Variants in OSBPL8 observed in about 807,000 individuals in gnomAD.
OSBPL8 encodes oxysterol-binding protein-related protein 8.
Under a neutral mutation model 125.5 loss-of-function variants are expected in OSBPL8, and 59 were observed. The observed-to-expected ratio is 0.47, with a 90% CI of 0.38 to 0.58. OSBPL8 has a LOEUF of 0.58. Ranked by LOEUF, OSBPL8 falls within the 20% of genes least tolerant of loss-of-function variation. OSBPL8 has a pLI of 0.00. For synonymous variants in OSBPL8, 330 were observed against 338.9 expected (o/e 0.97, Z 0.29); for missense variants, 758 against 1,047.8 (o/e 0.72, Z 3.82).
At chr12:76,370,344 T>C (rs1214753632) in intron 19 of OSBPL8, among the ~76,000 whole-genome samples, 1 of 152,188 alleles carries the variant, frequency 6.6e-6, no homozygotes, top group Non-Finnish European at 1.5e-5. Flanking sequence ...TTTTAATGTA[T>C]TGCTAGTGTT....
intron 1 of OSBPL8, among the ~76,000 whole-genome samples, chr12:76,527,017 C>T (rs1348465901): frequency 6.6e-6 from 1 of 151,946 alleles, no homozygotes; most frequent in Admixed American, 6.6e-5. Flanking sequence ...CACCTCTGGA[C>T]CTCAGTTTCC....
Position 76,369,716 on chromosome 12 carries a change from T to A in OSBPL8, c.2161A>T (p.Lys721Ter). 6.2e-7 allele frequency: 1 copy of A among 1,613,738 alleles called. No homozygotes were observed. Among genetic ancestry groups the A allele is most frequent in the Non-Finnish European group, 8.5e-7 (1 of 1,179,754 alleles). Residue 721 changes from lysine (K) to a stop codon, truncating the protein, a stop_gained, in exon 20 of 24, where the codon AAA (lysine) becomes TAA (stop). Transcript: ENST00000261183. LOFTEE classifies it high-confidence loss of function. Reference protein sequence around the residue: ...EAQRQAARDRKTKNEEWSCKL... With the variant: ...EAQRQAARDR Reference sequence around the variant, plus strand: ...CAAGACCACTCTTCATTTTTTGTTTTCCGATCCCTGGCAGCTTGTCTTTGA... The same window carrying A: ...CAAGACCACTCTTCATTTTTTGTTTACCGATCCCTGGCAGCTTGTCTTTGA...
intron 21 of OSBPL8, among the ~76,000 whole-genome samples, chr12:76,365,158 G>A (rs1190159363): frequency 6.6e-6 from 1 of 152,054 alleles, no homozygotes; most frequent in Non-Finnish European, 1.5e-5. Flanking sequence ...GTTTTGCCAT[G>A]TTGTCCAGTC....
At chr12:76,371,764 A>G (rs1307913985) in intron 18 of OSBPL8, 180 bp from the exon 19 acceptor site, 3 of 524,274 alleles carry the variant, frequency 5.7e-6, no homozygotes. Context: ...TTATAAAAAC[A>G]TTAAGATTGA....
chr12:76,496,370 A>ATTT (rs34882613), intron 1 of OSBPL8, among the ~76,000 whole-genome samples: 98 of 142,000 alleles, frequency 6.9e-4, no homozygotes, highest in African/African-American at 2.4e-3. Context: ...ATGCTGTGTA[A>ATTT]TTTTTTTTTT....
At chr12:76,552,900 T>C (rs999953325) in intron 1 of OSBPL8, among the ~76,000 whole-genome samples, 1 of 152,178 alleles carries the variant, frequency 6.6e-6, no homozygotes, top group Non-Finnish European at 1.5e-5. Flanking sequence ...AGCACCTACA[T>C]CTTGCAAAAC....
Position 76,354,516 on chromosome 12 carries a change from C to T in OSBPL8, c.*1373G>A, listed in dbSNP as rs1468911088. The stretch of plus-strand genomic sequence containing the variant: ...GGCAAATGTGGTCAGGGCAATTATT[C>T]TCTCTGACCTTCATTTTCATTAAAA... On this transcript the variant is annotated 3_prime_UTR_variant, in exon 24 of 24. Coordinates refer to ENST00000261183, the MANE Select transcript of OSBPL8 (RefSeq NM_020841.5). 5.3e-5 allele frequency: 8 copies of T among 151,840 alleles called. No individual in the cohort carries two copies. Among genetic ancestry groups the T allele is most frequent in the Admixed American group, 2.6e-4 (4 of 15,228 alleles). The allele number at this position is 151,840 out of a possible 1,614,324, so 9.4% of individuals were successfully genotyped here.
rs185800802 is a variant in OSBPL8, at chr12:76,396,844, T to G, written c.672+850A>C. Among the ~76,000 whole-genome samples, 54 of 152,262 alleles carry G rather than the reference T, an allele frequency of 3.5e-4. No individual in the cohort carries two copies. In the East Asian group the frequency reaches 9.5e-3, roughly 27 times the overall value. ...TTGTTTTTTTTGAGACAGGGTCTTG[T>G]TCTGTTGCCCAGGCTGAAGTGCAGT... On this transcript the variant is annotated intron_variant, in intron 8 of 23. Transcript: ENST00000261183.
intron 4 of OSBPL8, among the ~76,000 whole-genome samples, chr12:76,439,147 G>A (rs12822060): frequency 0.21 from 31,536 of 152,106 alleles, 3,514 homozygotes; most frequent in Non-Finnish European, 0.27. Flanking sequence ...TTGGGAGGCC[G>A]AGGTGTGCAG....
intron 1 of OSBPL8, among the ~76,000 whole-genome samples, chr12:76,521,794 G>T (rs1032528231): frequency 6.6e-6 from 1 of 152,214 alleles, no homozygotes; most frequent in Non-Finnish European, 1.5e-5. Context: ...GGGACAGGGG[G>T]AGGAGAGAAT....
chr12:76,453,953 T>C (rs958564315), intron 3 of OSBPL8, among the ~76,000 whole-genome samples: 1 of 152,172 alleles, frequency 6.6e-6, no homozygotes, highest in Non-Finnish European at 1.5e-5. Flanking sequence ...AAGATGTTCA[T>C]CCTTTTTTAG....
chr12:76,356,162 T>TGGGGGGGGCAGGGGGGGGGAGGGGGGGGG (rs1951977973), intron 23 of OSBPL8, 141 bp from the exon 24 acceptor site: 1 of 131,834 alleles, frequency 7.6e-6, no homozygotes, highest in Non-Finnish European at 1.6e-5. Flanking sequence ...TATGTAGGGG[T>TGGGGGGGGCAGGGGGGGGGAGGGGGGGGG]GGGGGGGGGC....
At chr12:76,553,019 C>T (rs533243638) in intron 1 of OSBPL8, among the ~76,000 whole-genome samples, 1 of 152,296 alleles carries the variant, frequency 6.6e-6, no homozygotes, top group African/African-American at 2.4e-5. Context: ...CACAAAATTA[C>T]ACACTAAGCA....
At chr12:76,551,979 A>G (rs1411860999) in intron 1 of OSBPL8, among the ~76,000 whole-genome samples, 1 of 152,168 alleles carries the variant, frequency 6.6e-6, no homozygotes, top group Non-Finnish European at 1.5e-5. Flanking sequence ...ACTGTAGAAC[A>G]TTCCAATCTT....
intron 4 of OSBPL8, among the ~76,000 whole-genome samples, chr12:76,435,027 C>T (rs1478195416): frequency 6.6e-6 from 1 of 152,092 alleles, no homozygotes; most frequent in African/African-American, 2.4e-5. Context: ...GAAATGAAAC[C>T]TGTATCTCAA....
chr12:76,461,397 C>T (rs1874710431), intron 2 of OSBPL8, among the ~76,000 whole-genome samples: 1 of 152,124 alleles, frequency 6.6e-6, no homozygotes, highest in Admixed American at 6.5e-5. Context: ...GGTCGGCAAA[C>T]ACCACTAAGT....
intron 1 of OSBPL8, among the ~76,000 whole-genome samples, chr12:76,541,736 T>C (rs546182077): frequency 6.6e-6 from 1 of 151,168 alleles, no homozygotes; most frequent in Admixed American, 6.6e-5. Flanking sequence ...GTGCCTGTAA[T>C]CCCAGCTATT....
intron 1 of OSBPL8, among the ~76,000 whole-genome samples, chr12:76,556,643 T>G (rs1243036290): frequency 2.6e-5 from 4 of 152,140 alleles, no homozygotes; most frequent in Non-Finnish European, 5.9e-5. Flanking sequence ...CTAAAAATTG[T>G]ATATTTCTCA....
intron 19 of OSBPL8, among the ~76,000 whole-genome samples, chr12:76,370,366 G>T (rs1952574480): frequency 6.6e-6 from 1 of 152,118 alleles, no homozygotes; most frequent in East Asian, 1.9e-4. Context: ...AGAACCACTG[G>T]TTTAACAGAA....
Sources: allele counts gnomAD v4.1 joint callset (sites outside exome capture counted in the v4.1 genomes callset), GRCh38; gene constraint gnomAD v4.1.1; transcripts MANE v1.5; gene names NCBI Gene and HGNC (gene_info 2026-07-23, HGNC 2026-07-21).